B4GALT7: variants seen among roughly 807,000 people sequenced by gnomAD.
B4GALT7 encodes UDP-Gal:beta-GlcNAc beta-1,4-galactosyltransferase 7.
A neutral mutation model predicts 33.0 loss-of-function variants in B4GALT7; 30 were observed. The observed-to-expected ratio is 0.91, with a 90% CI of 0.68 to 1.23. The LOEUF (loss-of-function observed/expected upper bound fraction) is 1.23. Ranked by LOEUF, B4GALT7 falls within the 50% of genes most tolerant of loss-of-function variation. The pLI is 0.00. For missense variants in B4GALT7, 507 were observed against 450.8 expected, an observed-to-expected ratio of 1.12 and a Z score of -1.13; for synonymous variants, 213 against 187.2, an observed-to-expected ratio of 1.14 and a Z score of -1.13.
chr5:177,603,926 C>A, intron 1 of B4GALT7: 1 of 552,526 alleles, frequency 1.8e-6, no homozygotes, highest in Non-Finnish European at 3.3e-6. Context: ...GGAGCCGGGG[C>A]AGCTCTGTGA....
chr5:177,607,386 G>A lies in B4GALT7; in HGVS notation c.498G>A (p.Leu166=), dbSNP rs140848441. 3.8e-4 allele frequency: 609 copies of A among 1,614,056 alleles called. No individual in the cohort carries two copies. The highest frequency in any genetic ancestry group is 4.9e-4 in the Non-Finnish European group (576 of 1,180,034). The change falls in exon 3 of 6, where the codon CTG becomes CTA. Residue 166 remains leucine (L), a synonymous_variant. Coordinates refer to ENST00000029410, the MANE Select transcript of B4GALT7 (RefSeq NM_007255.3). ...TDYIAMHDVD[L]LPLNEELDYG... is the part of the protein sequence containing the mutation. The stretch of plus-strand genomic sequence containing the variant: ...ACATTGCCATGCACGACGTTGACCT[G>A]CTCCCTCTCAACGAGGAGCTGGACT...
rs1481659687 is a variant in B4GALT7 at position 177,609,540 on chromosome 5, G to A, written c.829G>A (p.Glu277Lys). 1 of 1,613,148 alleles carries A rather than the reference G, an allele frequency of 6.2e-7. No homozygotes were observed. The highest frequency in any genetic ancestry group is 1.1e-5 in the South Asian group (1 of 91,040). Residue 277 changes from glutamate to lysine, a missense_variant and splice_region_variant, in exon 6 of 6, where the codon GAG (glutamate) becomes AAG (lysine). Glu to Lys is a moderately conservative substitution (Grantham distance 56, BLOSUM62 1). Transcript: ENST00000029410. ...TGCTCTTTCCTCTCTTCCTCCCCAG[G>A]AGCAGTTCAAGGTGGACAGGGAGGG... ...DQKRIAAQKQ[E>K]QFKVDREGGL... is the part of the protein sequence containing the mutation.
In B4GALT7 at chr5:177,609,852, T is replaced by G. The variant is rs1217018150; in HGVS notation, c.*157T>G. On this transcript the variant is annotated 3_prime_UTR_variant, in exon 6 of 6. Transcript: ENST00000029410. Reference sequence around the variant, plus strand: ...CAGCCACCCGGCCGCCAAGGCAGGCTTGGGCTGGGCCAGGACACGTGGGGT... The same window carrying G: ...CAGCCACCCGGCCGCCAAGGCAGGCGTGGGCTGGGCCAGGACACGTGGGGT... 35 of 1,011,540 alleles carry G rather than the reference T, an allele frequency of 3.5e-5. 1 individual carries two copies. The South Asian group carries it at 4.6e-4, about 13-fold the overall frequency. 62.7% of individuals were successfully genotyped at this position (1,011,540 alleles called of 1,614,324 possible).
rs1405244476 is a variant in B4GALT7, at chr5:177,600,521, T to C, written c.50+261T>C. On this transcript the variant is annotated intron_variant, in intron 1 of 5. Transcript: ENST00000029410. The surrounding 1 kb of genome is among the most constrained non-coding windows in gnomAD (Gnocchi z 4.4). ...CTTCCCCCCGGCCCGTGGGTCCGTATTTCTCCATTGACTTCCCTTTGTGAG... is the reference window on the plus strand; with the variant it reads ...CTTCCCCCCGGCCCGTGGGTCCGTACTTCTCCATTGACTTCCCTTTGTGAG... Among the ~76,000 whole-genome samples the C allele has an allele frequency of 1.3e-5, 2 of 150,476 alleles. No homozygotes were observed. Among genetic ancestry groups the C allele is most frequent in the East Asian group, 4.0e-4 (2 of 5,016 alleles).
Position 177,608,704 on chromosome 5 carries a change from T to C in B4GALT7, c.723+82T>C. 1 of 1,385,516 alleles carries C rather than the reference T, an allele frequency of 7.2e-7. No homozygotes were observed. The highest frequency in any genetic ancestry group is 2.3e-5 in the East Asian group (1 of 42,936). 85.8% of individuals were successfully genotyped at this position (1,385,516 alleles called of 1,614,324 possible). On this transcript the variant is annotated intron_variant, in intron 4 of 5. Coordinates refer to ENST00000029410, the MANE Select transcript of B4GALT7 (RefSeq NM_007255.3). The surrounding 1 kb of genome is among the most constrained non-coding windows in gnomAD (Gnocchi z 4.1). The stretch of plus-strand genomic sequence containing the variant: ...CTTCTGTTTCCTCAGATGAAGCTCC[T>C]GGGGTCTGGAGATGGCCCTGATTCT...
Position 177,608,675 on chromosome 5 carries a change from T to C in B4GALT7, c.723+53T>C. The C allele has an allele frequency of 6.5e-7, 1 of 1,528,998 alleles. No homozygotes were observed. Among genetic ancestry groups the C allele is most frequent in the Middle Eastern group, 1.7e-4 (1 of 5,858 alleles). 94.7% of individuals were successfully genotyped at this position (1,528,998 alleles called of 1,614,324 possible). On this transcript the variant is annotated intron_variant, in intron 4 of 5. Coordinates refer to ENST00000029410, the MANE Select transcript of B4GALT7 (RefSeq NM_007255.3). This position sits in a 1 kb window ranked among gnomAD's most constrained non-coding sequence, Gnocchi z 4.1. ...CTCAGCTGCGGTGGCTGCCCTGAGATTTTCTTCTGTTTCCTCAGATGAAGC... is the reference window on the plus strand; with the variant it reads ...CTCAGCTGCGGTGGCTGCCCTGAGACTTTCTTCTGTTTCCTCAGATGAAGC...
chr5:177,602,383 C>T (rs1675341227), intron 1 of B4GALT7, among the ~76,000 whole-genome samples: 1 of 152,210 alleles, frequency 6.6e-6, no homozygotes, highest in Non-Finnish European at 1.5e-5. Context: ...ACTCACTTGG[C>T]AAGCTCTCTG....
rs558429780 is a variant in B4GALT7 at position 177,607,595 on chromosome 5, A to C, written c.639+68A>C. ...CTCCAGGCTGCGGGTGGTGGGAAGG[A>C]TGGGGCAGTGCCTCTGGGGCCCAGC... On this transcript the variant is annotated intron_variant, in intron 3 of 5. Transcript: ENST00000029410. 3.4e-6 allele frequency: 5 copies of C among 1,472,110 alleles called. No homozygotes were observed. In the East Asian group the frequency reaches 9.1e-5, roughly 27 times the overall value. The allele number at this position is 1,472,110 out of a possible 1,614,324, so 91.2% of individuals were successfully genotyped here.
chr5:177,608,234 G>A lies in B4GALT7; in HGVS notation c.640-305G>A, dbSNP rs1768069787. On this transcript the variant is annotated intron_variant, in intron 3 of 5. Transcript: ENST00000029410. The surrounding 1 kb of genome is among the most constrained non-coding windows in gnomAD (Gnocchi z 4.1). ...GCCACCAGGAGAAAGGGGAATGGGG[G>A]AAGCAGAAATCAAGTAGGAGCTGGC... 4.6e-6 allele frequency: 2 copies of A among 439,254 alleles called. No individual in the cohort carries two copies. The highest frequency in any genetic ancestry group is 4.2e-6 in the Non-Finnish European group (1 of 238,186). 27.2% of individuals were successfully genotyped at this position (439,254 alleles called of 1,614,324 possible). A position where few individuals can be genotyped will look rare whatever the true frequency, so the allele number is the denominator to read the frequency against.
At chr5:177,602,585 AG>A (rs375756434) in intron 1 of B4GALT7, among the ~76,000 whole-genome samples, 170 of 152,262 alleles carry the variant, frequency 1.1e-3, no homozygotes, top group African/African-American at 3.8e-3. Context: ...AGGGGTCCTC[AG>A]GCAGATAAAG....
chr5:177,609,697 C>T lies in B4GALT7; in HGVS notation c.*2C>T, dbSNP rs1768123676. On this transcript the variant is annotated 3_prime_UTR_variant, in exon 6 of 6. Transcript: ENST00000029410. ...ACACCCTGGTGCACATTCAGCTGAG[C>T]TGGATGGACAGTGAGGAAGCCTGTA... is the stretch of plus-strand genomic sequence containing the variant. 6.2e-7 allele frequency: 1 copy of T among 1,604,986 alleles called. No individual in the cohort carries two copies. Among genetic ancestry groups the T allele is most frequent in the Admixed American group, 1.7e-5 (1 of 58,292 alleles).
intron 5 of B4GALT7, 78 bp from the exon 6 acceptor site, chr5:177,609,462 G>A: frequency 1.3e-6 from 2 of 1,548,742 alleles, no homozygotes; most frequent in Non-Finnish European, 1.8e-6. Context: ...ACCTCTGATG[G>A]CGAGGTTGTG....
In B4GALT7 at chr5:177,604,533, C is replaced by T. The variant is rs1030828763; in HGVS notation, c.405C>T (p.Asp135=). 2 of 1,613,786 alleles carry T rather than the reference C, an allele frequency of 1.2e-6. No individual in the cohort carries two copies. The highest frequency in any genetic ancestry group is 1.7e-5 in the Admixed American group (1 of 60,012). The change falls in exon 2 of 6, where the codon GAC becomes GAT. Residue 135 remains aspartate, a synonymous_variant. Transcript: ENST00000029410. ...RHHIYVLNQV[D]HFRFNRAALI... is the part of the protein sequence containing the mutation. ...ACATCTACGTGCTCAACCAGGTGGA[C>T]CACTTCAGGTAGCGCCCGCCCCCAC... is the stretch of plus-strand genomic sequence containing the variant.
intron 5 of B4GALT7, 41 bp from the exon 6 acceptor site, chr5:177,609,499 T>C (rs780294536): frequency 3.1e-6 from 5 of 1,611,468 alleles, no homozygotes; most frequent in Middle Eastern, 2.2e-4. Flanking sequence ...CTGGCACCCA[T>C]GCAGCCCTGA....
In B4GALT7 at chr5:177,600,691, C is replaced by T. The variant is rs1767822078; in HGVS notation, c.50+431C>T. Among the ~76,000 whole-genome samples, 1 of 152,148 alleles carries T rather than the reference C, an allele frequency of 6.6e-6. No homozygotes were observed. Among genetic ancestry groups the T allele is most frequent in the Non-Finnish European group, 1.5e-5 (1 of 68,036 alleles). ...TTGTGTTTCTCAATTTGTCTCTGATCCCTGAGGACGTGTATTCCGTTTCTC... is the reference window on the plus strand; with the variant it reads ...TTGTGTTTCTCAATTTGTCTCTGATTCCTGAGGACGTGTATTCCGTTTCTC... On this transcript the variant is annotated intron_variant, in intron 1 of 5. Transcript: ENST00000029410. This position sits in a 1 kb window ranked among gnomAD's most constrained non-coding sequence, Gnocchi z 4.4.
In B4GALT7 at chr5:177,608,635, G is replaced by A. The variant is rs775276570; in HGVS notation, c.723+13G>A. 2.1e-5 allele frequency: 34 copies of A among 1,611,550 alleles called. No homozygotes were observed. The highest frequency in any genetic ancestry group is 9.3e-5 in the African/African-American group (7 of 75,028). The stretch of plus-strand genomic sequence containing the variant: ...AGCTGGGCTCCAGGTGAGATTCCCC[G>A]GGCCCCGCCGCCACCTCAGCTGCGG... On this transcript the variant is annotated intron_variant, in intron 4 of 5. Transcript: ENST00000029410. This position sits in a 1 kb window ranked among gnomAD's most constrained non-coding sequence, Gnocchi z 4.1.
At chr5:177,605,339 G>T (rs1227746283) in intron 2 of B4GALT7, 2 of 277,662 alleles carry the variant, frequency 7.2e-6, no homozygotes, top group Non-Finnish European at 1.4e-5. Flanking sequence ...CAACACGTGA[G>T]GCGGCCATGC....
Position 177,604,535 on chromosome 5 carries a change from A to T in B4GALT7, c.407A>T (p.His136Leu), listed in dbSNP as rs768536523. ...ATCTACGTGCTCAACCAGGTGGACC[A>T]CTTCAGGTAGCGCCCGCCCCCACCC... ...HHIYVLNQVD[H>L]FRFNRAALIN... is the part of the protein sequence containing the mutation. The change falls in exon 2 of 6, where the codon CAC becomes CTC. Residue 136 changes from histidine (H) to leucine (L), a missense_variant. By Grantham distance (99) the His-to-Leu change is moderately conservative. Transcript: ENST00000029410. The T allele has an allele frequency of 3.7e-6, 6 of 1,613,576 alleles. No individual in the cohort carries two copies. Among genetic ancestry groups the T allele is most frequent in the Non-Finnish European group, 4.2e-6 (5 of 1,179,924 alleles).
Position 177,600,451 on chromosome 5 carries a change from C to T in B4GALT7, c.50+191C>T, listed in dbSNP as rs1767815657. Among the ~76,000 whole-genome samples, 1 of 151,724 alleles carries T rather than the reference C, an allele frequency of 6.6e-6. No individual in the cohort carries two copies. Among genetic ancestry groups the T allele is most frequent in the Admixed American group, 6.6e-5 (1 of 15,242 alleles). On this transcript the variant is annotated intron_variant, in intron 1 of 5. Coordinates refer to ENST00000029410, the MANE Select transcript of B4GALT7 (RefSeq NM_007255.3). The surrounding 1 kb of genome is among the most constrained non-coding windows in gnomAD (Gnocchi z 4.4). ...TCTGTCCCTGTGGGTCTCTGCCTCC[C>T]CCGCCCCCTCTCCCTTTCCGCGGCA...
Sources: gnomAD v4.1 joint callset for allele counts (sites outside exome capture counted in the v4.1 genomes callset) on GRCh38, gnomAD v4.1.1 for gene constraint, Gnocchi (gnomAD v3.1) non-coding constraint, MANE v1.5 for transcripts, NCBI Gene and HGNC (gene_info 2026-07-23, HGNC 2026-07-21) for gene names.